The following ATP10B variants were observed in gnomAD, a reference collection of about 807,000 sequenced individuals.
The protein encoded by ATP10B is ATPase phospholipid transporting 10B (putative).
Under a neutral mutation model 141.2 loss-of-function variants are expected in ATP10B, and 122 were observed. The ratio of observed to expected loss-of-function variants is 0.86; its 90% confidence interval spans 0.75 to 1.00. The LOEUF is 1.00. Ranked by LOEUF, ATP10B falls within the 50% of genes least tolerant of loss-of-function variation. ATP10B has a pLI of 0.00. For missense variants in ATP10B, 1,876 were observed against 1,825.3 expected (o/e 1.03, Z -0.51); for synonymous variants, 685 against 692.0 (o/e 0.99, Z 0.16).
At chr5:160,749,966 G>A (rs1398366854) in intron 2 of ATP10B, among the ~76,000 whole-genome samples, 1 of 152,148 alleles carries the variant, frequency 6.6e-6, no homozygotes, top group Non-Finnish European at 1.5e-5. Flanking sequence ...TAAGTTCCTG[G>A]TGCGATTACC....
chr5:160,635,478 A>G (rs1218507978), intron 11 of ATP10B, among the ~76,000 whole-genome samples: 1 of 152,190 alleles, frequency 6.6e-6, no homozygotes. Flanking sequence ...TTCTGTACAT[A>G]GGAGGGGTAT....
chr5:160,781,361 A>G (rs545344611), intron 2 of ATP10B, among the ~76,000 whole-genome samples: 7 of 152,106 alleles, frequency 4.6e-5, no homozygotes, highest in Non-Finnish European at 8.8e-5. Context: ...TGTTTGAAAG[A>G]TTTTTAGGTC....
chr5:160,671,164 C>CAAAA (rs1167788105), intron 6 of ATP10B, among the ~76,000 whole-genome samples: 4 of 23,716 alleles, frequency 1.7e-4, no homozygotes, highest in East Asian at 1.7e-3. Context: ...GACTCTGTCT[C>CAAAA]AAAAAAAAAA....
intron 2 of ATP10B, among the ~76,000 whole-genome samples, chr5:160,746,652 A>C (rs1767827201): frequency 6.6e-6 from 1 of 152,142 alleles, no homozygotes; most frequent in Admixed American, 6.5e-5. Flanking sequence ...TCAGCCTCCC[A>C]AAATGCTGGG....
At chr5:160,581,757 C>G (rs1443044174) in intron 24 of ATP10B, among the ~76,000 whole-genome samples, 1 of 151,998 alleles carries the variant, frequency 6.6e-6, no homozygotes, top group African/African-American at 2.4e-5. Flanking sequence ...GGTATTAAAG[C>G]CTCCCATTAT....
At chr5:160,866,067 C>T in the ATP10B span, among the ~76,000 whole-genome samples, 71 of 152,092 alleles carry the variant, frequency 4.7e-4, no homozygotes, top group Non-Finnish European at 8.8e-4. Context: ...TACTGGGTAT[C>T]TACCCAGAGG....
chr5:160,673,581 C>CA (rs1762857322), intron 6 of ATP10B, among the ~76,000 whole-genome samples: 1 of 151,950 alleles, frequency 6.6e-6, no homozygotes, highest in African/African-American at 2.4e-5. Flanking sequence ...CATCTCCCCC[C>CA]AACCCTCACT....
intron 6 of ATP10B, chr5:160,685,449 C>T (rs780956712): frequency 3.4e-5 from 13 of 381,630 alleles, no homozygotes; most frequent in East Asian, 8.0e-5. Context: ...GGAATGTAGA[C>T]GTCACCTACA....
chr5:160,627,972 T>TA (rs780122020), intron 13 of ATP10B, among the ~76,000 whole-genome samples: 26 of 152,174 alleles, frequency 1.7e-4, no homozygotes, highest in Non-Finnish European at 3.4e-4. Flanking sequence ...TCCTTTCAAT[T>TA]ATGTAACCCT....
chr5:160,914,470 C>T, the ATP10B span, among the ~76,000 whole-genome samples: 478 of 152,290 alleles, frequency 3.1e-3, 5 homozygotes, highest in African/African-American at 0.011. Flanking sequence ...TCTATATCCT[C>T]CTGTATAAAT....
At chr5:160,816,275 AGAGAG>A (rs1773618283) in intron 1 of ATP10B, among the ~76,000 whole-genome samples, 1 of 70,430 alleles carries the variant, frequency 1.4e-5, no homozygotes, top group Non-Finnish European at 4.3e-5. Flanking sequence ...AAAGAAGAAA[AGAGAG>A]AAGAATCAAA....
At chr5:160,899,241 A>G in the ATP10B span, among the ~76,000 whole-genome samples, 35 of 152,272 alleles carry the variant, frequency 2.3e-4, no homozygotes, top group East Asian at 6.7e-3. Context: ...GAGGGGTCAC[A>G]GTTTTTAGTG....
rs571083335 is a variant in ATP10B at position 160,845,118 on chromosome 5, C to T, written c.-576+6823G>A. 5.3e-5 allele frequency among the ~76,000 whole-genome samples: 8 copies of T among 152,258 alleles called. No individual in the cohort carries two copies. The South Asian group carries it at 1.7e-3, about 32-fold the overall frequency. ...ATATAGCATCAAAAGAAATGTAGCA[C>T]AATCTAATGTTGAAACTGAACTACT... On this transcript the variant is annotated intron_variant, in intron 1 of 25. Transcript: ENST00000327245.
At chr5:160,900,223 CTTTTCT>C in the ATP10B span, among the ~76,000 whole-genome samples, 5 of 152,120 alleles carry the variant, frequency 3.3e-5, no homozygotes, top group African/African-American at 9.7e-5. Context: ...CCCCTTTGAT[CTTTTCT>C]TTTTCTTTTC....
intron 1 of ATP10B, among the ~76,000 whole-genome samples, chr5:160,792,716 C>A (rs1425390223): frequency 6.6e-6 from 1 of 152,158 alleles, no homozygotes; most frequent in Non-Finnish European, 1.5e-5. Context: ...TGAGGATACA[C>A]ACACTCTCTC....
At chr5:160,818,028 C>T (rs1170575181) in intron 1 of ATP10B, among the ~76,000 whole-genome samples, 5 of 152,150 alleles carry the variant, frequency 3.3e-5, no homozygotes, top group Non-Finnish European at 7.3e-5. Context: ...AAATGTTAGA[C>T]TTAAAACCAT....
chr5:160,718,198 C>T (rs546114040), intron 2 of ATP10B, among the ~76,000 whole-genome samples: 1 of 152,264 alleles, frequency 6.6e-6, no homozygotes, highest in Admixed American at 6.5e-5. Context: ...CACTGACGTC[C>T]CTAGTGCCAT....
At chr5:160,633,957 G>A (rs1435167579) in intron 12 of ATP10B, 1 of 357,442 alleles carries the variant, frequency 2.8e-6, no homozygotes, top group East Asian at 7.2e-5. Flanking sequence ...CATGCACCTA[G>A]ACACAGACCT....
intron 24 of ATP10B, among the ~76,000 whole-genome samples, chr5:160,589,250 G>GATCTGTCC (rs1186076223): frequency 1.5e-4 from 23 of 152,154 alleles, no homozygotes; most frequent in African/African-American, 5.3e-4. Flanking sequence ...GACCTCAGGT[G>GATCTGTCC]ATCTGTCCAC....
Sources: allele counts gnomAD v4.1 joint callset (sites outside exome capture counted in the v4.1 genomes callset), GRCh38; gene constraint gnomAD v4.1.1; transcripts MANE v1.5; gene names NCBI Gene and HGNC (gene_info 2026-07-23, HGNC 2026-07-21).